CCDC85A: variants seen among roughly 807,000 people sequenced by gnomAD.
CCDC85A encodes coiled-coil domain containing 85A, also known as coiled-coil domain-containing protein 85A.
In CCDC85A, 38 loss-of-function variants were observed where a neutral mutation model predicts 50.2. The observed-to-expected ratio is 0.76, with a 90% CI of 0.58 to 0.99. The LOEUF (loss-of-function observed/expected upper bound fraction) is 0.99, where lower values mean the gene tolerates loss of function less well. Ranked by LOEUF, CCDC85A falls within the 50% of genes least tolerant of loss-of-function variation. CCDC85A has a pLI of 0.00. For missense variants in CCDC85A, 820 were observed against 742.0 expected, an observed-to-expected ratio of 1.11 and a Z score of -1.22; for synonymous variants, 366 against 301.4, an observed-to-expected ratio of 1.21 and a Z score of -2.22.
intron 2 of CCDC85A, among the ~76,000 whole-genome samples, chr2:56,277,646 T>A (rs1398219223): frequency 6.6e-6 from 1 of 152,228 alleles, no homozygotes; most frequent in Non-Finnish European, 1.5e-5. Flanking sequence ...ATTGGTAAAT[T>A]CACTTATTCC....
chr2:56,348,792 T>C (rs977332563), intron 3 of CCDC85A, among the ~76,000 whole-genome samples: 1 of 152,192 alleles, frequency 6.6e-6, no homozygotes, highest in African/African-American at 2.4e-5. Context: ...TCAGACTCAT[T>C]ATTCCCCTTA....
intron 2 of CCDC85A, among the ~76,000 whole-genome samples, chr2:56,209,787 A>G (rs949983623): frequency 2.0e-5 from 3 of 151,972 alleles, no homozygotes; most frequent in African/African-American, 4.8e-5. Context: ...TTATATATTT[A>G]TATTTTGTTG....
chr2:56,275,260 C>T (rs557366953), intron 2 of CCDC85A, among the ~76,000 whole-genome samples: 123 of 152,272 alleles, frequency 8.1e-4, no homozygotes, highest in African/African-American at 2.9e-3. Context: ...TACATGGCAG[C>T]ATGAATACAG....
In CCDC85A at chr2:56,184,698, C is replaced by A. The variant is rs1047552361; in HGVS notation, c.74C>A (p.Ser25Ter). ...AESCSPAPAGSSAAPPAPVED... is the reference protein window; with the variant it reads ...AESCSPAPAG ...AGTTGTTCCCCAGCCCCGGCCGGCT[C>A]GTCCGCGGCCCCGCCCGCGCCGGTG... The change falls in exon 1 of 6, where the codon TCG (serine) becomes TAG (stop). Residue 25 changes from serine to a stop codon, truncating the protein, a stop_gained. Transcript: ENST00000407595. LOFTEE classifies it high-confidence loss of function. The A allele has an allele frequency of 2.6e-6, 4 of 1,524,754 alleles. No individual in the cohort carries two copies. The highest frequency in any genetic ancestry group is 3.5e-6 in the Non-Finnish European group (4 of 1,140,276). The allele number at this position is 1,524,754 out of a possible 1,614,324, so 94.5% of individuals were successfully genotyped here. A position where few individuals can be genotyped will look rare whatever the true frequency, so the allele number is the denominator to read the frequency against.
At chr2:56,237,868 G>C (rs751885872) in intron 2 of CCDC85A, among the ~76,000 whole-genome samples, 6 of 152,026 alleles carry the variant, frequency 3.9e-5, no homozygotes, top group Non-Finnish European at 7.4e-5. Flanking sequence ...GGTCTAATAG[G>C]GATTGGTGGC....
Position 56,289,164 on chromosome 2 carries a change from A to G in CCDC85A, c.1241-53715A>G, listed in dbSNP as rs78924075. Among the ~76,000 whole-genome samples, 1,139 of 152,302 alleles carry G rather than the reference A, an allele frequency of 7.5e-3. 14 individuals are homozygous for G. Among genetic ancestry groups the G allele is most frequent in the African/African-American group, 0.026 (1,094 of 41,566 alleles). On this transcript the variant is annotated intron_variant, in intron 2 of 5. Transcript: ENST00000407595. ...AACACAGGACCCATGATTTCTTATT[A>G]TCAGCTGACTTCAGATTCAGATTAC...
At chr2:56,189,040 C>A (rs561478316) in intron 1 of CCDC85A, among the ~76,000 whole-genome samples, 1 of 152,318 alleles carries the variant, frequency 6.6e-6, no homozygotes, top group African/African-American at 2.4e-5. Context: ...TTCATTCATT[C>A]ATGGGTACTT....
At chr2:56,268,425 C>G (rs150555282) in intron 2 of CCDC85A, among the ~76,000 whole-genome samples, 13,427 of 151,926 alleles carry the variant, frequency 0.088, 761 homozygotes, top group South Asian at 0.12. Context: ...GAAACCCTGT[C>G]TCTACTAAAA....
At chr2:56,368,014 G>A (rs1394392437) in intron 3 of CCDC85A, among the ~76,000 whole-genome samples, 2 of 152,094 alleles carry the variant, frequency 1.3e-5, no homozygotes, top group East Asian at 1.9e-4. Context: ...TTTAAACTCC[G>A]GCACTGCGAC....
At chr2:56,249,399 C>T (rs539455061) in intron 2 of CCDC85A, among the ~76,000 whole-genome samples, 2 of 152,348 alleles carry the variant, frequency 1.3e-5, no homozygotes, top group East Asian at 3.9e-4. Flanking sequence ...GGCAGGGAAG[C>T]TGGTTTGATG....
At chr2:56,219,754 A>C (rs1222962812) in intron 2 of CCDC85A, among the ~76,000 whole-genome samples, 2 of 151,906 alleles carry the variant, frequency 1.3e-5, no homozygotes, top group African/African-American at 4.8e-5. Context: ...CCCTATTACC[A>C]AACATTTTCA....
In CCDC85A at chr2:56,192,958, G is replaced by T; in HGVS notation, c.758G>T (p.Ser253Ile). ...AGCCCGGAGCACTCCAAGCACAGGA[G>T]CGCCAGCCCCGAGCATCCACAGAAA... is the stretch of plus-strand genomic sequence containing the variant. Reference protein sequence around the residue: ...EGSPEHSKHRSASPEHPQKPR... With the variant: ...EGSPEHSKHRIASPEHPQKPR... The change falls in exon 2 of 6, where the codon AGC (serine) becomes ATC (isoleucine). Residue 253 changes from serine (S) to isoleucine (I), a missense_variant. By Grantham distance (142) the Ser-to-Ile change is moderately radical. Transcript: ENST00000407595. The surrounding 1 kb of genome is among the most constrained non-coding windows in gnomAD (Gnocchi z 4.7). 6.2e-7 allele frequency: 1 copy of T among 1,612,854 alleles called. No homozygotes were observed. Among genetic ancestry groups the T allele is most frequent in the South Asian group, 1.1e-5 (1 of 91,024 alleles).
chr2:56,376,662 A>G (rs1329747596), intron 5 of CCDC85A, among the ~76,000 whole-genome samples: 5 of 152,208 alleles, frequency 3.3e-5, no homozygotes, highest in African/African-American at 7.2e-5. Flanking sequence ...ATATTTACTT[A>G]TCTCAAAGAA....
At chr2:56,272,049 G>C (rs1670723526) in intron 2 of CCDC85A, among the ~76,000 whole-genome samples, 1 of 152,140 alleles carries the variant, frequency 6.6e-6, no homozygotes, top group African/African-American at 2.4e-5. Flanking sequence ...CTGATTGTGA[G>C]ACTAAGAAGA....
At chr2:56,260,937 A>G (rs917403803) in intron 2 of CCDC85A, among the ~76,000 whole-genome samples, 1 of 152,232 alleles carries the variant, frequency 6.6e-6, no homozygotes, top group African/African-American at 2.4e-5. Context: ...TTCACAAAAA[A>G]TAATAATTTT....
intron 2 of CCDC85A, among the ~76,000 whole-genome samples, chr2:56,256,222 T>C (rs1030138962): frequency 2.0e-5 from 3 of 152,200 alleles, no homozygotes; most frequent in African/African-American, 7.2e-5. Context: ...TGTTGCATTT[T>C]CTGGAATTGT....
chr2:56,184,868 C>T lies in CCDC85A; in HGVS notation c.244C>T (p.Gln82Ter). ...CATCCGCGAGGTGAACCGCCGCCTG[C>T]AGCTGCACCTCGGCGAGATCCGCGG... ...NLIREVNRRLQLHLGEIRGLK... is the reference protein window; with the variant it reads ...NLIREVNRRL The change falls in exon 1 of 6, where the codon CAG becomes TAG. Residue 82 changes from glutamine to a stop codon, truncating the protein, a stop_gained. Transcript: ENST00000407595. LOFTEE classifies it high-confidence loss of function. The T allele has an allele frequency of 6.5e-7, 1 of 1,533,698 alleles. No homozygotes were observed.
intron 2 of CCDC85A, among the ~76,000 whole-genome samples, chr2:56,209,064 G>A (rs757506205): frequency 1.3e-5 from 2 of 152,066 alleles, no homozygotes; most frequent in Non-Finnish European, 2.9e-5. Flanking sequence ...TCTGGCCATT[G>A]TGAGCCACCC....
intron 2 of CCDC85A, among the ~76,000 whole-genome samples, chr2:56,317,631 G>C (rs112908102): frequency 1.3e-5 from 2 of 152,026 alleles, no homozygotes; most frequent in Non-Finnish European, 2.9e-5. Flanking sequence ...GACTGAAAAA[G>C]GGTGCTTATT....
Sources: allele counts gnomAD v4.1 joint callset (sites outside exome capture counted in the v4.1 genomes callset), GRCh38; gene constraint gnomAD v4.1.1; non-coding constraint Gnocchi (gnomAD v3.1); transcripts MANE v1.5; gene names NCBI Gene and HGNC (gene_info 2026-07-23, HGNC 2026-07-21).